The following DNAH9 variants were observed in gnomAD, a reference collection of about 807,000 sequenced individuals.
DNAH9 encodes the protein dynein axonemal heavy chain 9, also known as DNAH9 variant protein.
A neutral mutation model predicts 471.6 loss-of-function variants in DNAH9; 345 were observed. The ratio of observed to expected loss-of-function variants is 0.73; its 90% CI spans 0.67 to 0.80. The LOEUF is 0.80. DNAH9 is among the 30% of genes least tolerant of loss of function. The probability of loss-of-function intolerance (pLI) is 0.00; values close to 1 mark genes in which losing one functional copy is unlikely to be tolerated. For missense variants in DNAH9, 5,407 were observed against 5,609.2 expected (o/e 0.96, Z 1.15); for synonymous variants, 2,093 against 2,123.6 (o/e 0.99, Z 0.40).
At chr17:11,657,871 G>A (rs1205632720) in intron 14 of DNAH9, among the ~76,000 whole-genome samples, 1 of 151,878 alleles carries the variant, frequency 6.6e-6, no homozygotes, top group Non-Finnish European at 1.5e-5. Context: ...ATATATGGTG[G>A]AAAATACCAA....
At chr17:11,741,772 C>A (rs1285942399) in intron 29 of DNAH9, among the ~76,000 whole-genome samples, 1 of 152,132 alleles carries the variant, frequency 6.6e-6, no homozygotes, top group Non-Finnish European at 1.5e-5. Context: ...TGTAGATACC[C>A]AGAGAAACTC....
intron 14 of DNAH9, among the ~76,000 whole-genome samples, chr17:11,655,343 C>T (rs1597441100): frequency 1.0e-5 from 1 of 99,024 alleles, no homozygotes; most frequent in South Asian, 4.4e-4. Flanking sequence ...GGCTGAGTAG[C>T]ATTCCATGGT....
intron 58 of DNAH9, among the ~76,000 whole-genome samples, chr17:11,893,123 A>C (rs1190841891): frequency 1.7e-5 from 2 of 117,260 alleles, no homozygotes; most frequent in African/African-American, 6.7e-5. Flanking sequence ...GCTTTGCCTC[A>C]CCCCTCTCAC....
intron 11 of DNAH9, among the ~76,000 whole-genome samples, chr17:11,645,919 G>C (rs1383526167): frequency 2.2e-5 from 3 of 134,534 alleles, no homozygotes; most frequent in African/African-American, 9.0e-5. Context: ...TTGCTCTGTC[G>C]CCCAGATTGG....
chr17:11,649,858 C>T (rs1906347692), intron 12 of DNAH9, among the ~76,000 whole-genome samples: 1 of 152,076 alleles, frequency 6.6e-6, no homozygotes, highest in Admixed American at 6.5e-5. Context: ...ACCCTCTCTT[C>T]CTGTGAATTT....
At chr17:11,699,920 T>G (rs761239082) in intron 23 of DNAH9, 37 bp downstream of exon 23, 1 of 1,606,604 alleles carries the variant, frequency 6.2e-7, no homozygotes, top group Non-Finnish European at 8.5e-7. Context: ...TCTGCTTTTC[T>G]CTCTCAAATG....
intron 50 of DNAH9, among the ~76,000 whole-genome samples, chr17:11,855,637 G>C (rs368874854): frequency 6.6e-6 from 1 of 152,116 alleles, no homozygotes. Context: ...CCTGTGACTC[G>C]AGACCTATAA....
intron 50 of DNAH9, among the ~76,000 whole-genome samples, chr17:11,855,476 T>C (rs1971594395): frequency 6.6e-6 from 1 of 152,198 alleles, no homozygotes; most frequent in Middle Eastern, 3.2e-3. Context: ...GAGGTTAATC[T>C]ATAACAAAGA....
intron 8 of DNAH9, among the ~76,000 whole-genome samples, 184 bp from the exon 9 acceptor site, chr17:11,636,447 AAGG>A (rs1355201369): frequency 6.6e-6 from 1 of 152,184 alleles, no homozygotes; most frequent in African/African-American, 2.4e-5. Context: ...GTTAGAAGCA[AAGG>A]AGAAGAGAAA....
At chr17:11,697,983 G>A (rs1372897937) in intron 22 of DNAH9, among the ~76,000 whole-genome samples, 1 of 148,790 alleles carries the variant, frequency 6.7e-6, no homozygotes, top group East Asian at 1.9e-4. Flanking sequence ...ATTATTAAAG[G>A]TTTAAAAAAT....
intron 67 of DNAH9, among the ~76,000 whole-genome samples, chr17:11,956,582 A>G (rs1056225289): frequency 2.0e-5 from 3 of 152,166 alleles, no homozygotes; most frequent in Non-Finnish European, 4.4e-5. Flanking sequence ...TTTATGTCAT[A>G]AAGCAATATG....
intron 61 of DNAH9, among the ~76,000 whole-genome samples, chr17:11,918,314 C>A (rs188722878): frequency 6.6e-6 from 1 of 152,266 alleles, no homozygotes; most frequent in East Asian, 1.9e-4. Context: ...TCATTGCCAC[C>A]TCTACCTCCC....
chr17:11,792,626 G>A lies in DNAH9; in HGVS notation c.8062-877G>A, dbSNP rs1969105012. On this transcript the variant is annotated intron_variant, in intron 41 of 68. Coordinates refer to ENST00000262442, the MANE Select transcript of DNAH9 (RefSeq NM_001372.4). ...CCAACCCTGTGGCACATAGGAAGGG[G>A]AACTGACTAGAGATAAATAAATAGA... Among the ~76,000 whole-genome samples, 4 of 152,338 alleles carry A rather than the reference G, an allele frequency of 2.6e-5. 1 individual carries two copies. In the South Asian group the frequency reaches 6.2e-4, roughly 24 times the overall value.
intron 29 of DNAH9, 36 bp downstream of exon 29, chr17:11,739,073 A>G: frequency 6.6e-7 from 1 of 1,509,524 alleles, no homozygotes; most frequent in South Asian, 1.3e-5. Context: ...AAAGCCCCAA[A>G]AGAGAAGTTT....
At chr17:11,900,113 C>T (rs1282985778) in intron 59 of DNAH9, among the ~76,000 whole-genome samples, 1 of 151,146 alleles carries the variant, frequency 6.6e-6, no homozygotes, top group Non-Finnish European at 1.5e-5. Flanking sequence ...AAAAAAAACT[C>T]ACAAGGGTTT....
chr17:11,924,578 C>T (rs199591578), intron 62 of DNAH9, among the ~76,000 whole-genome samples: 2 of 149,634 alleles, frequency 1.3e-5, no homozygotes, highest in East Asian at 3.9e-4. Flanking sequence ...TTCATTTAAC[C>T]AATTTTCCAA....
At chr17:11,697,529 A>T (rs1746267683) in intron 22 of DNAH9, among the ~76,000 whole-genome samples, 1 of 152,246 alleles carries the variant, frequency 6.6e-6, no homozygotes, top group Non-Finnish European at 1.5e-5. Flanking sequence ...TCCCTAAAAC[A>T]TGATGAGATT....
At chr17:11,646,144 G>C (rs1254751082) in intron 11 of DNAH9, among the ~76,000 whole-genome samples, 1 of 151,798 alleles carries the variant, frequency 6.6e-6, no homozygotes, top group East Asian at 1.9e-4. Context: ...CTCCTAAAGT[G>C]CTGGGATTAC....
intron 53 of DNAH9, among the ~76,000 whole-genome samples, chr17:11,876,995 G>A (rs1261169788): frequency 6.6e-6 from 1 of 151,822 alleles, no homozygotes; most frequent in Non-Finnish European, 1.5e-5. Context: ...CAAAGTGCTG[G>A]GAGTGAGCCA....
Sources: allele counts gnomAD v4.1 joint callset (sites outside exome capture counted in the v4.1 genomes callset), GRCh38; gene constraint gnomAD v4.1.1; transcripts MANE v1.5; gene names NCBI Gene and HGNC (gene_info 2026-07-23, HGNC 2026-07-21).